Variants in ST18 observed in about 807,000 individuals in gnomAD.
ST18 encodes the protein suppression of tumorigenicity 18 protein.
In ST18, 50 loss-of-function variants were observed where a neutral mutation model predicts 110.0. The observed-to-expected ratio is 0.45, with a 90% CI of 0.36 to 0.58. The LOEUF (loss-of-function observed/expected upper bound fraction) is 0.58, where lower values mean the gene tolerates loss of function less well. Among genes scored for constraint, ST18 ranks in the 20% least tolerant of loss-of-function variants. The pLI is 0.00. For missense variants in ST18, 1,306 were observed against 1,280.1 expected (o/e 1.02, Z -0.31); for synonymous variants, 461 against 452.4 (o/e 1.02, Z -0.24).
intron 2 of ST18, among the ~76,000 whole-genome samples, chr8:52,389,555 C>T (rs1483620650): frequency 6.6e-6 from 1 of 152,224 alleles, no homozygotes; most frequent in Admixed American, 6.5e-5. Flanking sequence ...CGACTCCTTC[C>T]ACCCTAGGCA....
chr8:52,399,376 A>C (rs1283840487), intron 2 of ST18, among the ~76,000 whole-genome samples: 1 of 151,518 alleles, frequency 6.6e-6, no homozygotes, highest in Non-Finnish European at 1.5e-5. Flanking sequence ...TATTTTTTTC[A>C]AGGAGCCAAT....
chr8:52,172,142 C>T lies in ST18; in HGVS notation c.719G>A (p.Gly240Asp), dbSNP rs2065190405. The change falls in exon 10 of 26, where the codon GGT (glycine) becomes GAT (aspartate). Residue 240 changes from glycine to aspartate, a missense_variant. Coordinates refer to ENST00000689386, the MANE Select transcript of ST18 (RefSeq NM_001352837.2). ...LLEVPEIKTE[G>D]DKFIPCENRC... ...GTTCTCACAAGGGATAAATTTGTCA[C>T]CTTCAGTTTTTATTTCAGGAACTTC... The T allele has an allele frequency of 6.2e-7, 1 of 1,614,152 alleles. No homozygotes were observed. Among genetic ancestry groups the T allele is most frequent in the Non-Finnish European group, 8.5e-7 (1 of 1,180,030 alleles).
chr8:52,145,842 G>A (rs1430997379), intron 16 of ST18, among the ~76,000 whole-genome samples: 1 of 152,152 alleles, frequency 6.6e-6, no homozygotes, highest in East Asian at 1.9e-4. Context: ...AATCTTTGGA[G>A]AACTGACAGT....
intron 17 of ST18, among the ~76,000 whole-genome samples, chr8:52,139,317 T>A (rs28633500): frequency 0.019 from 2,398 of 126,678 alleles, 55 homozygotes; most frequent in African/African-American, 0.089. Context: ...ACAAACAGCA[T>A]TGCATTATAT....
At chr8:52,115,147 C>T (rs1276462717) in intron 25 of ST18, among the ~76,000 whole-genome samples, 1 of 152,096 alleles carries the variant, frequency 6.6e-6, no homozygotes, top group African/African-American at 2.4e-5. Context: ...ATAAGAACTC[C>T]ATGCTAGGAA....
At chr8:52,167,476 C>G (rs1228695085) in intron 10 of ST18, among the ~76,000 whole-genome samples, 3 of 152,232 alleles carry the variant, frequency 2.0e-5, no homozygotes, top group Non-Finnish European at 2.9e-5. Flanking sequence ...TAGTGAAGAG[C>G]AGAGCCTGCT....
chr8:52,211,180 C>T (rs16917478), intron 8 of ST18, among the ~76,000 whole-genome samples: 8,315 of 152,012 alleles, frequency 0.055, 395 homozygotes, highest in African/African-American at 0.11. Flanking sequence ...TAACTATACC[C>T]TGACAAAGAC....
intron 15 of ST18, among the ~76,000 whole-genome samples, chr8:52,158,226 G>T (rs1430823832): frequency 6.6e-6 from 1 of 152,092 alleles, no homozygotes; most frequent in Non-Finnish European, 1.5e-5. Context: ...GAAAGGAGAG[G>T]GTATTGGAGA....
intron 11 of ST18, 55 bp from the exon 12 acceptor site, chr8:52,165,280 C>T (rs1360012463): frequency 7.7e-6 from 12 of 1,548,892 alleles, no homozygotes; most frequent in Non-Finnish European, 1.1e-5. Flanking sequence ...ATACAAAGCA[C>T]ACTAACACGT....
intron 10 of ST18, among the ~76,000 whole-genome samples, chr8:52,168,835 G>T (rs1337018815): frequency 6.6e-6 from 1 of 152,228 alleles, no homozygotes; most frequent in East Asian, 1.9e-4. Context: ...GAAATCTGTA[G>T]ACCACTAGGT....
intron 8 of ST18, among the ~76,000 whole-genome samples, chr8:52,185,548 T>A (rs1246683597): frequency 6.6e-6 from 1 of 152,138 alleles, no homozygotes; most frequent in Non-Finnish European, 1.5e-5. Flanking sequence ...GTAGCTGAGA[T>A]GAGGTATTAT....
chr8:52,129,695 C>A (rs2048446930), intron 22 of ST18, among the ~76,000 whole-genome samples: 1 of 152,114 alleles, frequency 6.6e-6, no homozygotes, highest in Non-Finnish European at 1.5e-5. Flanking sequence ...GTCAAGAATG[C>A]TGAAATCTGA....
intron 8 of ST18, among the ~76,000 whole-genome samples, 200 bp from the exon 9 acceptor site, chr8:52,180,512 A>AT (rs938231964): frequency 0.013 from 1,940 of 149,594 alleles, 47 homozygotes; most frequent in African/African-American, 0.044. Flanking sequence ...TATCAGAAGA[A>AT]TTTTTTTTTT....
intron 2 of ST18, among the ~76,000 whole-genome samples, chr8:52,312,143 G>C (rs1057214955): frequency 2.0e-5 from 3 of 152,148 alleles, no homozygotes; most frequent in Non-Finnish European, 4.4e-5. Context: ...CAGACAGATA[G>C]ACAGTTGCTG....
chr8:52,387,066 A>G lies in ST18; in HGVS notation c.-465+22262T>C, dbSNP rs540850573. 2.6e-5 allele frequency among the ~76,000 whole-genome samples: 4 copies of G among 151,986 alleles called. No individual in the cohort carries two copies. The East Asian group carries it at 7.8e-4, about 29-fold the overall frequency. On this transcript the variant is annotated intron_variant, in intron 2 of 25. Coordinates refer to ENST00000689386, the MANE Select transcript of ST18 (RefSeq NM_001352837.2). Reference sequence around the variant, plus strand: ...AAGTTAGAATACTAAATTTACAGATAATTTCTTCCTTCCTTCCTTTCCTTT... The same window carrying G: ...AAGTTAGAATACTAAATTTACAGATGATTTCTTCCTTCCTTCCTTTCCTTT...
At chr8:52,237,263 A>C (rs2092810287) in intron 2 of ST18, among the ~76,000 whole-genome samples, 1 of 152,160 alleles carries the variant, frequency 6.6e-6, no homozygotes, top group South Asian at 2.1e-4. Flanking sequence ...AGAGTAATTA[A>C]ATCTCTGAGG....
chr8:52,300,643 A>G (rs2095706510), intron 2 of ST18, among the ~76,000 whole-genome samples: 1 of 152,228 alleles, frequency 6.6e-6, no homozygotes, highest in Non-Finnish European at 1.5e-5. Flanking sequence ...ATAATATTTC[A>G]TGACACATGA....
rs1837272574 is a variant in ST18 at position 52,387,437 on chromosome 8, A to G, written c.-465+21891T>C. On this transcript the variant is annotated intron_variant, in intron 2 of 25. Coordinates refer to ENST00000689386, the MANE Select transcript of ST18 (RefSeq NM_001352837.2). The stretch of plus-strand genomic sequence containing the variant: ...AGGTTTAGGGTTAAACCAAACTCAA[A>G]ATCATCATTGTCAATAGCCAAGGCA... 2.0e-5 allele frequency among the ~76,000 whole-genome samples: 3 copies of G among 152,104 alleles called. No individual in the cohort carries two copies. In the South Asian group the frequency reaches 6.2e-4, roughly 32 times the overall value.
At chr8:52,146,693 T>C (rs2057403028) in intron 16 of ST18, among the ~76,000 whole-genome samples, 1 of 152,214 alleles carries the variant, frequency 6.6e-6, no homozygotes, top group Non-Finnish European at 1.5e-5. Context: ...GCGCATTTAA[T>C]ACAATCTAAT....
Sources: gnomAD v4.1 joint callset for allele counts (sites outside exome capture counted in the v4.1 genomes callset) on GRCh38, gnomAD v4.1.1 for gene constraint, MANE v1.5 for transcripts, NCBI Gene and HGNC (gene_info 2026-07-23, HGNC 2026-07-21) for gene names.